MYRIP: variants seen among roughly 807,000 people sequenced by gnomAD.
MYRIP encodes myosin VIIA and Rab interacting protein.
Under a neutral mutation model 98.0 loss-of-function variants are expected in MYRIP, and 49 were observed. The observed-to-expected ratio is 0.50, with a 90% CI of 0.40 to 0.63. The LOEUF (loss-of-function observed/expected upper bound fraction) is 0.63. Ranked by LOEUF, MYRIP falls within the 30% of genes least tolerant of loss-of-function variation. The probability of loss-of-function intolerance (pLI) is 0.00; values close to 1 mark genes in which losing one functional copy is unlikely to be tolerated. For missense variants in MYRIP, 1,004 were observed against 1,058.2 expected, an observed-to-expected ratio of 0.95 and a Z score of 0.71; for synonymous variants, 404 against 409.5, an observed-to-expected ratio of 0.99 and a Z score of 0.16.
intron 2 of MYRIP, among the ~76,000 whole-genome samples, chr3:40,032,074 T>G (rs892987235): frequency 9.8e-5 from 15 of 152,286 alleles, no homozygotes; most frequent in Admixed American, 6.5e-4. Flanking sequence ...CTTTTAATTG[T>G]GATGTTAGGG....
At chr3:40,121,801 A>G (rs1949412074) in intron 3 of MYRIP, among the ~76,000 whole-genome samples, 1 of 152,216 alleles carries the variant, frequency 6.6e-6, no homozygotes, top group Non-Finnish European at 1.5e-5. Context: ...AAAATTCATA[A>G]TGAACTAAAT....
chr3:40,091,099 C>A (rs527864438), intron 3 of MYRIP, among the ~76,000 whole-genome samples: 1 of 152,366 alleles, frequency 6.6e-6, no homozygotes, highest in South Asian at 2.1e-4. Flanking sequence ...AAGGCCCCTT[C>A]TGTGTTCACC....
intron 1 of MYRIP, among the ~76,000 whole-genome samples, chr3:39,852,541 C>CCCCACTT (rs1942161336): frequency 1.3e-5 from 2 of 151,672 alleles, no homozygotes; most frequent in African/African-American, 4.9e-5. Flanking sequence ...TCACCCCACT[C>CCCCACTT]CCCCCTTCCC....
At chr3:40,036,089 C>T (rs142800365) in intron 2 of MYRIP, among the ~76,000 whole-genome samples, 2 of 151,688 alleles carry the variant, frequency 1.3e-5, no homozygotes. Context: ...TCAAAAATGT[C>T]TAGAGAATTC....
At chr3:40,104,012 T>C (rs1418553638) in intron 3 of MYRIP, among the ~76,000 whole-genome samples, 5 of 152,254 alleles carry the variant, frequency 3.3e-5, no homozygotes, top group African/African-American at 1.2e-4. Flanking sequence ...ACTACTTTTA[T>C]GACTCACTGT....
intron 10 of MYRIP, among the ~76,000 whole-genome samples, chr3:40,203,103 T>A (rs1951616339): frequency 6.6e-6 from 1 of 151,828 alleles, no homozygotes. Context: ...CTAATTTTTT[T>A]ATATTTTTAG....
chr3:39,869,791 G>A (rs1172184809), intron 1 of MYRIP, among the ~76,000 whole-genome samples: 1 of 152,132 alleles, frequency 6.6e-6, no homozygotes, highest in African/African-American at 2.4e-5. Context: ...ATCTCCCTCA[G>A]AATACATGTA....
intron 2 of MYRIP, among the ~76,000 whole-genome samples, chr3:39,962,987 CA>C (rs1175288813): frequency 6.6e-6 from 1 of 152,012 alleles, no homozygotes; most frequent in East Asian, 1.9e-4. Flanking sequence ...ACACATAAGA[CA>C]AAGCAACAGT....
intron 1 of MYRIP, among the ~76,000 whole-genome samples, chr3:39,882,361 A>G (rs1200764783): frequency 1.3e-5 from 2 of 152,150 alleles, no homozygotes; most frequent in African/African-American, 4.8e-5. Flanking sequence ...ACGTTGGGCA[A>G]CTTTGCATGT....
intron 2 of MYRIP, among the ~76,000 whole-genome samples, chr3:40,031,935 A>G (rs1318740291): frequency 2.0e-5 from 3 of 152,056 alleles, no homozygotes; most frequent in Admixed American, 6.6e-5. Flanking sequence ...CTTTCAAAAA[A>G]CCAGCTCCTG....
rs576193689 is a variant in MYRIP, at chr3:40,019,288, C to G, written c.111-24762C>G. Among the ~76,000 whole-genome samples the G allele has an allele frequency of 1.4e-4, 21 of 152,312 alleles. No homozygotes were observed. In the South Asian group the frequency reaches 4.1e-3, roughly 30 times the overall value. On this transcript the variant is annotated intron_variant, in intron 2 of 16. Coordinates refer to ENST00000302541, the MANE Select transcript of MYRIP (RefSeq NM_015460.4). Reference sequence around the variant, plus strand: ...CAGCCTTTCCTCACTATTTCTGACTCCAACTACTGAACCAACCACTCATAC... The same window carrying G: ...CAGCCTTTCCTCACTATTTCTGACTGCAACTACTGAACCAACCACTCATAC...
At chr3:39,993,200 C>A (rs963052122) in intron 2 of MYRIP, among the ~76,000 whole-genome samples, 15 of 152,228 alleles carry the variant, frequency 9.9e-5, no homozygotes, top group African/African-American at 3.1e-4. Context: ...CTGAACCTGT[C>A]CTTTTATAAG....
At chr3:39,838,883 C>T (rs1385009000) in intron 1 of MYRIP, among the ~76,000 whole-genome samples, 1 of 152,102 alleles carries the variant, frequency 6.6e-6, no homozygotes, top group African/African-American at 2.4e-5. Context: ...GCCTCAATTT[C>T]AGAACTTGTT....
chr3:39,908,651 A>C (rs1263070065), intron 2 of MYRIP, among the ~76,000 whole-genome samples: 1 of 152,180 alleles, frequency 6.6e-6, no homozygotes, highest in South Asian at 2.1e-4. Flanking sequence ...TTCTTCATTC[A>C]AGATTTATTT....
At chr3:40,024,570 GTTTTT>G (rs1215319587) in intron 2 of MYRIP, among the ~76,000 whole-genome samples, 2 of 145,996 alleles carry the variant, frequency 1.4e-5, no homozygotes, top group African/African-American at 2.5e-5. Flanking sequence ...CTTTTTGTGG[GTTTTT>G]TTTTTTTTTA....
intron 2 of MYRIP, among the ~76,000 whole-genome samples, chr3:40,009,233 ACTT>A (rs1946701414): frequency 6.9e-6 from 1 of 145,360 alleles, no homozygotes; most frequent in Non-Finnish European, 1.5e-5. Context: ...ACAAACTGCT[ACTT>A]CTTTTTTTTT....
intron 1 of MYRIP, among the ~76,000 whole-genome samples, chr3:39,841,985 A>G (rs1321970456): frequency 6.6e-6 from 1 of 152,170 alleles, no homozygotes; most frequent in Non-Finnish European, 1.5e-5. Flanking sequence ...CTTGAGCACT[A>G]TGCTGGGAGA....
chr3:40,204,227 A>AT (rs1559452117), intron 10 of MYRIP, among the ~76,000 whole-genome samples: 40 of 26,342 alleles, frequency 1.5e-3, no homozygotes, highest in South Asian at 4.7e-3. Flanking sequence ...ATATATAAAT[A>AT]TATATATATT....
At chr3:40,132,546 T>C (rs1949666823) in intron 3 of MYRIP, among the ~76,000 whole-genome samples, 1 of 152,212 alleles carries the variant, frequency 6.6e-6, no homozygotes, top group Admixed American at 6.5e-5. Flanking sequence ...AATTTGTATA[T>C]TTTTCTGGGC....
Sources: allele counts gnomAD v4.1 joint callset (sites outside exome capture counted in the v4.1 genomes callset), GRCh38; gene constraint gnomAD v4.1.1; transcripts MANE v1.5; gene names NCBI Gene and HGNC (gene_info 2026-07-23, HGNC 2026-07-21).